DAW1: variants seen among roughly 807,000 people sequenced by gnomAD.
DAW1 encodes dynein assembly factor with WD repeat domains 1.
DAW1 carries 47 observed loss-of-function variants against 56.5 expected under a neutral mutation model. That is an observed-to-expected ratio of 0.83 (90% CI 0.66 to 1.06). DAW1 has a LOEUF of 1.06. Among genes scored for constraint, DAW1 ranks in the 50% least tolerant of loss-of-function variants. The probability of loss-of-function intolerance (pLI) is 0.00; values close to 1 mark genes in which losing one functional copy is unlikely to be tolerated. For missense variants in DAW1, 505 were observed against 499.3 expected (o/e 1.01, Z -0.11); for synonymous variants, 190 against 179.0 (o/e 1.06, Z -0.49).
At chr2:227,916,129 A>C (rs1691947956) in intron 10 of DAW1, among the ~76,000 whole-genome samples, 1 of 152,122 alleles carries the variant, frequency 6.6e-6, no homozygotes, top group African/African-American at 2.4e-5. Context: ...CTGTATGACT[A>C]TTACCCTGAA....
intron 8 of DAW1, 43 bp downstream of exon 8, chr2:227,905,078 G>A (rs952741316): frequency 1.3e-6 from 2 of 1,543,636 alleles, no homozygotes; most frequent in East Asian, 2.3e-5. Context: ...TGGATCAGGG[G>A]GTTCAGAAAA....
At chr2:227,872,406 T>C (rs1383587879) in intron 1 of DAW1, 1 of 151,948 alleles carries the variant, frequency 6.6e-6, no homozygotes, top group African/African-American at 2.4e-5. Flanking sequence ...GAGGGTAAGA[T>C]ACTTTGGACC....
chr2:227,900,459 T>C (rs901877070), intron 6 of DAW1, among the ~76,000 whole-genome samples: 1 of 152,112 alleles, frequency 6.6e-6, no homozygotes, highest in African/African-American at 2.4e-5. Flanking sequence ...TACAATTCAA[T>C]AGAAGGAGTA....
chr2:227,919,210 A>C (rs11903182), intron 11 of DAW1, among the ~76,000 whole-genome samples: 219 of 4,200 alleles, frequency 0.052, 1 homozygote, highest in Admixed American at 0.14. Flanking sequence ...AAAAAAAAAG[A>C]AAAAAAAAAA....
intron 3 of DAW1, 33 bp downstream of exon 3, chr2:227,890,033 T>C (rs752809605): frequency 6.8e-7 from 1 of 1,480,386 alleles, no homozygotes; most frequent in East Asian, 2.5e-5. Flanking sequence ...GATAGAAGAA[T>C]TTCAGTGAAA....
At chr2:227,876,970 GAATATAT>G (rs1690898214) in intron 1 of DAW1, among the ~76,000 whole-genome samples, 2 of 152,306 alleles carry the variant, frequency 1.3e-5, no homozygotes, top group South Asian at 4.1e-4. Context: ...TCTGTTGATT[GAATATAT>G]AATCTAAGTA....
chr2:227,879,521 T>C (rs1463972692), intron 1 of DAW1, among the ~76,000 whole-genome samples: 2 of 152,082 alleles, frequency 1.3e-5, no homozygotes, highest in African/African-American at 4.8e-5. Flanking sequence ...TATCTTTTAT[T>C]GTACAGAAGC....
chr2:227,886,223 C>T (rs1212538064), intron 2 of DAW1, among the ~76,000 whole-genome samples: 1 of 152,118 alleles, frequency 6.6e-6, no homozygotes, highest in Non-Finnish European at 1.5e-5. Flanking sequence ...TGTCATGGGG[C>T]AGAAAAGGGA....
intron 10 of DAW1, chr2:227,912,263 C>T (rs541066247): frequency 6.7e-5 from 41 of 610,440 alleles, no homozygotes; most frequent in South Asian, 3.9e-4. Context: ...GATGGAGTCT[C>T]GCTCTGTCGC....
At chr2:227,874,817 G>A (rs1483158307) in intron 1 of DAW1, among the ~76,000 whole-genome samples, 3 of 152,010 alleles carry the variant, frequency 2.0e-5, no homozygotes, top group African/African-American at 7.3e-5. Flanking sequence ...AAAACAATTA[G>A]CCAGGTGTGG....
At chr2:227,918,431 G>T (rs1054956656) in intron 10 of DAW1, among the ~76,000 whole-genome samples, 3 of 152,142 alleles carry the variant, frequency 2.0e-5, no homozygotes, top group African/African-American at 7.2e-5. Flanking sequence ...TATCATGCTG[G>T]TCTTGCTGCT....
In DAW1 at chr2:227,907,195, A is replaced by G; in HGVS notation, c.916A>G (p.Ile306Val). The change falls in exon 10 of 13, where the codon ATA becomes GTA. Residue 306 changes from isoleucine to valine, a missense_variant. Coordinates refer to ENST00000309931, the MANE Select transcript of DAW1 (RefSeq NM_178821.3). Reference protein sequence around the residue: ...VATLTGHDDEILDSCFDYTGK... With the variant: ...VATLTGHDDEVLDSCFDYTGK... ...AACCTTAACAGGCCATGATGATGAA[A>G]TACTAGACAGCTGCTTTGATTACAC... 6.2e-7 allele frequency: 1 copy of G among 1,613,876 alleles called. No homozygotes were observed. The highest frequency in any genetic ancestry group is 1.7e-5 in the Admixed American group (1 of 60,000).
At chr2:227,909,292 T>C (rs1691763776) in intron 10 of DAW1, among the ~76,000 whole-genome samples, 2 of 128,476 alleles carry the variant, frequency 1.6e-5, no homozygotes, top group Non-Finnish European at 3.3e-5. Context: ...GTCTGTCTCC[T>C]ATTGGTTCTG....
intron 10 of DAW1, chr2:227,912,567 C>T (rs1691855367): frequency 1.7e-6 from 2 of 1,208,138 alleles, no homozygotes; most frequent in Non-Finnish European, 2.1e-6. Flanking sequence ...CTGGACATTG[C>T]TACACTTTGT....
intron 10 of DAW1, chr2:227,912,563 A>G (rs1691855295): frequency 8.2e-7 from 1 of 1,212,892 alleles, no homozygotes; most frequent in Non-Finnish European, 1.1e-6. Context: ...AGGTCTGGAC[A>G]TTGCTACACT....
At chr2:227,893,377 C>T (rs1361352730) in intron 4 of DAW1, among the ~76,000 whole-genome samples, 1 of 149,868 alleles carries the variant, frequency 6.7e-6, no homozygotes, top group Admixed American at 6.7e-5. Flanking sequence ...TTGTAAAAAG[C>T]ATAATAGGCC....
At chr2:227,883,399 T>G (rs935629003) in intron 1 of DAW1, among the ~76,000 whole-genome samples, 1 of 152,198 alleles carries the variant, frequency 6.6e-6, no homozygotes, top group Non-Finnish European at 1.5e-5. Context: ...AGATCAGTAT[T>G]TTTCAAATGT....
intron 10 of DAW1, among the ~76,000 whole-genome samples, chr2:227,918,178 TC>T (rs199742219): frequency 1.1e-4 from 8 of 74,806 alleles, no homozygotes; most frequent in South Asian, 4.2e-4. Flanking sequence ...CCATCATCCA[TC>T]CATCCATCCA....
rs111260447 is a variant in DAW1, at chr2:227,880,020, G to A, written c.41-5331G>A. On this transcript the variant is annotated intron_variant, in intron 1 of 12. Transcript: ENST00000309931. ...AAATCATTATAATTACATTAACTTC[G>A]TAAATATGACATCTTTACAGCATTG... Among the ~76,000 whole-genome samples, 1,100 of 152,138 alleles carry A rather than the reference G, an allele frequency of 7.2e-3. 11 individuals carry two copies. Among genetic ancestry groups the A allele is most frequent in the African/African-American group, 0.019 (808 of 41,524 alleles).
Sources: allele counts gnomAD v4.1 joint callset (sites outside exome capture counted in the v4.1 genomes callset), GRCh38; gene constraint gnomAD v4.1.1; transcripts MANE v1.5; gene names NCBI Gene and HGNC (gene_info 2026-07-23, HGNC 2026-07-21).